SPAM1: variants seen among roughly 807,000 people sequenced by gnomAD.
The protein encoded by SPAM1 is sperm adhesion molecule 1, also known as hyaluronidase PH-20.
A neutral mutation model predicts 29.6 loss-of-function variants in SPAM1; 22 were observed. That is an observed-to-expected ratio of 0.74 (90% CI 0.53 to 1.06). The LOEUF is 1.06. Ranked by LOEUF, SPAM1 falls within the 50% of genes least tolerant of loss-of-function variation. The pLI, the probability that SPAM1 is intolerant of heterozygous loss-of-function variation, is 0.00. For synonymous variants in SPAM1, 194 were observed against 204.6 expected (o/e 0.95, Z 0.44); for missense variants, 534 against 604.0 (o/e 0.88, Z 1.21).
chr7:123,928,827 G>A (rs1028759651), intron 1 of SPAM1, among the ~76,000 whole-genome samples: 2 of 152,116 alleles, frequency 1.3e-5, no homozygotes, highest in Non-Finnish European at 2.9e-5. Context: ...TATAGTGACT[G>A]CAAACATCTT....
chr7:123,932,732 T>C (rs1808125895), intron 1 of SPAM1, among the ~76,000 whole-genome samples: 2 of 152,228 alleles, frequency 1.3e-5, no homozygotes. Flanking sequence ...TAATCTGAAT[T>C]TGAAAAGGGA....
intron 3 of SPAM1, 35 bp from the exon 4 acceptor site, chr7:123,954,962 T>A (rs993300775): frequency 1.4e-6 from 2 of 1,480,420 alleles, no homozygotes; most frequent in African/African-American, 2.8e-5. Flanking sequence ...TTCATTTCAT[T>A]TTTATCTGCT....
chr7:123,970,768 C>T (rs1236804827), intron 6 of SPAM1, among the ~76,000 whole-genome samples: 1 of 151,818 alleles, frequency 6.6e-6, no homozygotes, highest in Non-Finnish European at 1.5e-5. Context: ...TGAATGCATG[C>T]ATTACAAGTA....
chr7:123,967,256 T>C (rs1792437360), intron 5 of SPAM1, among the ~76,000 whole-genome samples: 1 of 152,050 alleles, frequency 6.6e-6, no homozygotes, highest in African/African-American at 2.4e-5. Flanking sequence ...GTACGTATCC[T>C]GAAGGAAATC....
Position 123,954,438 on chromosome 7 carries a change from A to G in SPAM1, c.868A>G (p.Lys290Glu). Reference sequence around the variant, plus strand: ...AGTTCGGGAAGCCATCAGAGTTTCCAAAATACCTGATGCAAAAAGTCCACT... The same window carrying G: ...AGTTCGGGAAGCCATCAGAGTTTCCGAAATACCTGATGCAAAAAGTCCACT... ...NRVREAIRVS[K>E]IPDAKSPLPV... Residue 290 changes from lysine to glutamate, a missense_variant, in exon 3 of 5, where the codon AAA (lysine) becomes GAA (glutamate). By Grantham distance (56) the Lys-to-Glu change is moderately conservative. Transcript: ENST00000682466. The G allele has an allele frequency of 6.2e-7, 1 of 1,613,384 alleles. No homozygotes were observed. Among genetic ancestry groups the G allele is most frequent in the Non-Finnish European group, 8.5e-7 (1 of 1,179,610 alleles).
chr7:123,936,708 C>A (rs1005285412), intron 1 of SPAM1, among the ~76,000 whole-genome samples: 5 of 152,188 alleles, frequency 3.3e-5, no homozygotes, highest in African/African-American at 1.2e-4. Context: ...TGGTTTCACT[C>A]TGTAATGCTC....
intron 1 of SPAM1, among the ~76,000 whole-genome samples, chr7:123,931,637 G>A (rs940225733): frequency 6.6e-6 from 1 of 152,140 alleles, no homozygotes; most frequent in African/African-American, 2.4e-5. Context: ...CATTCTGAAG[G>A]CTCCTGTATA....
chr7:123,939,608 CTAAT>C (rs962259106), intron 1 of SPAM1, among the ~76,000 whole-genome samples: 6 of 152,114 alleles, frequency 3.9e-5, no homozygotes, highest in African/African-American at 2.4e-5. Context: ...AGTTAATTAA[CTAAT>C]TAACTAATTT....
At chr7:123,956,686 A>G (rs1403030784) in intron 4 of SPAM1, among the ~76,000 whole-genome samples, 1 of 151,964 alleles carries the variant, frequency 6.6e-6, no homozygotes, top group African/African-American at 2.4e-5. Flanking sequence ...TCAATATACC[A>G]ATTATTTTAC....
At chr7:123,954,938 C>T in intron 3 of SPAM1, 59 bp from the exon 4 acceptor site, 1 of 1,112,220 alleles carries the variant, frequency 9.0e-7, no homozygotes, top group Non-Finnish European at 1.4e-6. Flanking sequence ...CGTTGCTGTC[C>T]TATGTATAGC....
In SPAM1 at chr7:123,960,045, A is replaced by T; in HGVS notation, c.*76A>T. On this transcript the variant is annotated 3_prime_UTR_variant, in exon 5 of 5. Transcript: ENST00000682466. ...TTCGACTAATTAAATCTTTGAAAAG[A>T]ACAGCTCTTGTTGAAAGATCATTTT... 1 of 1,507,368 alleles carries T rather than the reference A, an allele frequency of 6.6e-7. No homozygotes were observed. Among genetic ancestry groups the T allele is most frequent in the Admixed American group, 2.3e-5 (1 of 44,376 alleles). 93.4% of individuals were successfully genotyped at this position (1,507,368 alleles called of 1,614,324 possible). A position where few individuals can be genotyped will look rare whatever the true frequency, so the allele number is the denominator to read the frequency against.
intron 1 of SPAM1, among the ~76,000 whole-genome samples, chr7:123,937,596 C>CAAAAAAAAAAAAAAAAA (rs5887154): frequency 1.2e-5 from 1 of 85,856 alleles, no homozygotes; most frequent in Non-Finnish European, 2.2e-5. Flanking sequence ...GACTCCATCT[C>CAAAAAAAAAAAAAAAAA]AAAAAAAAAA....
chr7:123,962,346 A>AT (rs2117075455), downstream of SPAM1, among the ~76,000 whole-genome samples: 1 of 151,866 alleles, frequency 6.6e-6, no homozygotes, highest in South Asian at 2.1e-4. Context: ...TCCTTCAGCA[A>AT]TTTTTTGATT....
intron 6 of SPAM1, chr7:123,970,318 C>G: frequency 6.6e-7 from 1 of 1,506,914 alleles, no homozygotes; most frequent in South Asian, 1.2e-5. Flanking sequence ...CTCCTTGTGT[C>G]TTCCATATGT....
intron 1 of SPAM1, among the ~76,000 whole-genome samples, chr7:123,933,558 C>G (rs563132090): frequency 5.1e-4 from 78 of 152,210 alleles, no homozygotes; most frequent in African/African-American, 1.8e-3. Context: ...TATTGGGGAA[C>G]TAATGGAAGA....
At chr7:123,955,148 T>C (rs1255577022) in intron 4 of SPAM1, 62 bp downstream of exon 4, 1 of 1,207,372 alleles carries the variant, frequency 8.3e-7, no homozygotes, top group Non-Finnish European at 1.2e-6. Flanking sequence ...TTGGGGATTG[T>C]TTTGGTATTA....
rs533544215 is a variant in SPAM1 at position 123,953,935 on chromosome 7, A to T, written c.365A>T (p.Asp122Val). The T allele has an allele frequency of 6.2e-7, 1 of 1,613,774 alleles. No individual in the cohort carries two copies. The highest frequency in any genetic ancestry group is 8.5e-7 in the Non-Finnish European group (1 of 1,179,824). ...GGIPQKISLQ[D>V]HLDKAKKDIT... is the part of the protein sequence containing the mutation. ...ATCCCCCAGAAGATTTCCTTACAAG[A>T]CCATCTGGACAAAGCTAAGAAAGAC... The change falls in exon 3 of 5, where the codon GAC becomes GTC. Residue 122 changes from aspartate (D) to valine (V), a missense_variant. Transcript: ENST00000682466.
chr7:123,928,788 A>C (rs1807974794), intron 1 of SPAM1, among the ~76,000 whole-genome samples: 1 of 152,096 alleles, frequency 6.6e-6, no homozygotes, highest in South Asian at 2.1e-4. Flanking sequence ...AGTGCAGGAC[A>C]ATTGTTTTTT....
chr7:123,937,636 T>G (rs1017774218), intron 1 of SPAM1, among the ~76,000 whole-genome samples: 9 of 151,046 alleles, frequency 6.0e-5, no homozygotes, highest in African/African-American at 2.2e-4. Context: ...ATAGGTATCA[T>G]TTTACTCATT....
Sources: gnomAD v4.1 joint callset for allele counts (sites outside exome capture counted in the v4.1 genomes callset) on GRCh38, gnomAD v4.1.1 for gene constraint, MANE v1.5 for transcripts, NCBI Gene and HGNC (gene_info 2026-07-23, HGNC 2026-07-21) for gene names.